SLC16A7: variants seen among roughly 807,000 people sequenced by gnomAD.
SLC16A7 encodes the protein monocarboxylate transporter 2.
In SLC16A7, 33 loss-of-function variants were observed where a neutral mutation model predicts 34.9. That is an observed-to-expected ratio of 0.94 (90% CI 0.72 to 1.26). The LOEUF (loss-of-function observed/expected upper bound fraction) is 1.26, where lower values mean the gene tolerates loss of function less well. Among genes scored for constraint, SLC16A7 ranks in the 50% most tolerant of loss-of-function variants. The pLI is 0.00. For missense variants in SLC16A7, 573 were observed against 578.1 expected, an observed-to-expected ratio of 0.99 and a Z score of 0.09; for synonymous variants, 201 against 206.6, an observed-to-expected ratio of 0.97 and a Z score of 0.23.
chr12:59,630,954 G>T (rs1327969906), intron 1 of SLC16A7, among the ~76,000 whole-genome samples: 2 of 151,870 alleles, frequency 1.3e-5, no homozygotes, highest in African/African-American at 4.8e-5. Context: ...CATATGTATT[G>T]TATTCTTTTT....
intron 3 of SLC16A7, among the ~76,000 whole-genome samples, chr12:59,733,450 A>C (rs2706311): frequency 0.12 from 18,651 of 152,074 alleles, 1,496 homozygotes; most frequent in African/African-American, 0.22. Flanking sequence ...GCAAAGGCAC[A>C]GGCTTTGTGT....
intron 1 of SLC16A7, among the ~76,000 whole-genome samples, chr12:59,636,013 A>C (rs1189615889): frequency 6.6e-6 from 1 of 151,964 alleles, no homozygotes; most frequent in Non-Finnish European, 1.5e-5. Context: ...AAAAAAAAAA[A>C]AAAAAACTGT....
At chr12:59,713,847 C>T (rs1483680260) in intron 3 of SLC16A7, among the ~76,000 whole-genome samples, 13 of 152,228 alleles carry the variant, frequency 8.5e-5, no homozygotes, top group Admixed American at 8.5e-4. Context: ...TAGATACACA[C>T]TGAGCATCTT....
intron 3 of SLC16A7, among the ~76,000 whole-genome samples, chr12:59,766,765 T>A (rs1318085292): frequency 6.6e-6 from 1 of 152,186 alleles, no homozygotes; most frequent in Non-Finnish European, 1.5e-5. Context: ...GCATCGATGT[T>A]CATCAAGGAT....
chr12:59,608,905 G>T (rs989475173), intron 1 of SLC16A7, among the ~76,000 whole-genome samples: 1 of 152,096 alleles, frequency 6.6e-6, no homozygotes, highest in Non-Finnish European at 1.5e-5. Context: ...TAAATGCCTA[G>T]AAACCTAATT....
rs114296599 is a variant in SLC16A7, at chr12:59,666,919, G to C, written c.-31+11669G>C. Among the ~76,000 whole-genome samples the C allele has an allele frequency of 8.7e-3, 1,322 of 152,250 alleles. 16 individuals carry two copies. Among genetic ancestry groups the C allele is most frequent in the African/African-American group, 0.031 (1,269 of 41,536 alleles). The stretch of plus-strand genomic sequence containing the variant: ...GTTGAAAGAGTTTGGAGGTGTATTA[G>C]TCTGTTTCCCACTGCTGATAAAGAC... On this transcript the variant is annotated intron_variant, in intron 2 of 5. Coordinates refer to ENST00000547379, the MANE Select transcript of SLC16A7 (RefSeq NM_001270623.2).
intron 2 of SLC16A7, among the ~76,000 whole-genome samples, chr12:59,692,869 G>A (rs746075087): frequency 5.9e-5 from 9 of 151,984 alleles, no homozygotes; most frequent in East Asian, 1.9e-4. Flanking sequence ...ATAGCCTCTC[G>A]GGATTAGAGT....
chr12:59,775,008 A>G lies in SLC16A7; in HGVS notation c.713A>G (p.Asp238Gly), dbSNP rs758736220. Reference protein sequence around the residue: ...STWEKVNKYLDFSLFKHRGFL... With the variant: ...STWEKVNKYLGFSLFKHRGFL... ...TGGGAAAAAGTTAATAAGTATTTAG[A>G]TTTCTCCCTTTTTAAGCATAGAGGA... is the stretch of plus-strand genomic sequence containing the variant. The change falls in exon 5 of 6, where the codon GAT becomes GGT. Residue 238 changes from aspartate to glycine, a missense_variant. Coordinates refer to ENST00000547379, the MANE Select transcript of SLC16A7 (RefSeq NM_001270623.2). The G allele has an allele frequency of 9.3e-6, 15 of 1,613,680 alleles. No homozygotes were observed. In the African/African-American group the frequency reaches 1.5e-4, roughly 16 times the overall value.
chr12:59,757,672 C>T (rs1434862397), intron 3 of SLC16A7, among the ~76,000 whole-genome samples: 1 of 152,136 alleles, frequency 6.6e-6, no homozygotes, highest in Non-Finnish European at 1.5e-5. Context: ...TCTCCTGCCT[C>T]CCCTTCCACC....
chr12:59,707,564 C>A (rs1475638059), intron 3 of SLC16A7, among the ~76,000 whole-genome samples: 1 of 151,848 alleles, frequency 6.6e-6, no homozygotes, highest in Admixed American at 6.6e-5. Flanking sequence ...AAGAACTCTT[C>A]TGAAATTCAT....
chr12:59,731,185 G>A (rs1245243664), intron 3 of SLC16A7, among the ~76,000 whole-genome samples: 1 of 152,016 alleles, frequency 6.6e-6, no homozygotes, highest in Non-Finnish European at 1.5e-5. Context: ...TCAAATGTTT[G>A]TTCAAAATTT....
Position 59,755,137 on chromosome 12 carries a change from C to T in SLC16A7, c.218-16082C>T, listed in dbSNP as rs531598675. Among the ~76,000 whole-genome samples, 18 of 152,282 alleles carry T rather than the reference C, an allele frequency of 1.2e-4. 1 individual carries two copies. Among genetic ancestry groups the T allele is most frequent in the African/African-American group, 4.3e-4 (18 of 41,552 alleles). On this transcript the variant is annotated intron_variant, in intron 3 of 5. Coordinates refer to ENST00000547379, the MANE Select transcript of SLC16A7 (RefSeq NM_001270623.2). The stretch of plus-strand genomic sequence containing the variant: ...ATAAGAGCTATCTATGACAAACCCA[C>T]AGCCAATATCATACTGAATGGGCAA...
intron 1 of SLC16A7, among the ~76,000 whole-genome samples, chr12:59,651,625 G>A (rs1868343644): frequency 6.6e-6 from 1 of 152,168 alleles, no homozygotes; most frequent in Admixed American, 6.6e-5. Context: ...ACATCTAAGA[G>A]TATGATGTGG....
intron 2 of SLC16A7, among the ~76,000 whole-genome samples, chr12:59,679,257 G>A (rs899703788): frequency 3.9e-5 from 6 of 152,126 alleles, no homozygotes; most frequent in Admixed American, 6.5e-5. Flanking sequence ...CTCCCAGGGA[G>A]TGCAAGACTT....
chr12:59,635,999 C>T (rs1226420260), intron 1 of SLC16A7, among the ~76,000 whole-genome samples: 3 of 46,210 alleles, frequency 6.5e-5, no homozygotes, highest in Admixed American at 2.8e-4. Flanking sequence ...AAATGCACTT[C>T]TGTAAAAAAA....
intron 1 of SLC16A7, among the ~76,000 whole-genome samples, chr12:59,600,748 G>C (rs985907917): frequency 2.0e-5 from 3 of 152,152 alleles, no homozygotes; most frequent in African/African-American, 7.2e-5. Context: ...TAGTCCAGCT[G>C]GAGCTGGACT....
chr12:59,652,506 G>A (rs2137019787), intron 1 of SLC16A7, among the ~76,000 whole-genome samples: 1 of 151,812 alleles, frequency 6.6e-6, no homozygotes, highest in East Asian at 1.9e-4. Context: ...TAGCAGTATT[G>A]AAATAGCTGC....
chr12:59,728,710 A>G (rs34861412), intron 3 of SLC16A7, among the ~76,000 whole-genome samples: 11,819 of 152,236 alleles, frequency 0.078, 554 homozygotes, highest in Middle Eastern at 0.18. Flanking sequence ...GGATGACAGA[A>G]CAAGATCTTT....
chr12:59,755,565 C>G (rs867167138), intron 3 of SLC16A7, among the ~76,000 whole-genome samples: 6 of 152,134 alleles, frequency 3.9e-5, no homozygotes, highest in Non-Finnish European at 8.8e-5. Flanking sequence ...AGAAGGACCT[C>G]TTCAAGGAGA....
Sources: gnomAD v4.1 joint callset for allele counts (sites outside exome capture counted in the v4.1 genomes callset) on GRCh38, gnomAD v4.1.1 for gene constraint, MANE v1.5 for transcripts, NCBI Gene and HGNC (gene_info 2026-07-23, HGNC 2026-07-21) for gene names.